MYO1F: variants seen among roughly 807,000 people sequenced by gnomAD.
MYO1F encodes the protein unconventional myosin-If.
In MYO1F, 60 loss-of-function variants were observed where a neutral mutation model predicts 146.6. The ratio of observed to expected loss-of-function variants is 0.41; its 90% CI spans 0.33 to 0.51. MYO1F has a LOEUF of 0.51. Ranked by LOEUF, MYO1F falls within the 20% of genes least tolerant of loss-of-function variation. MYO1F has a pLI of 0.25. For synonymous variants in MYO1F, 602 were observed against 602.1 expected, an observed-to-expected ratio of 1.00 and a Z score of 0.00; for missense variants, 1,274 against 1,534.3, an observed-to-expected ratio of 0.83 and a Z score of 2.83.
chr19:8,523,071 G>A (rs1294857982), intron 25 of MYO1F, among the ~76,000 whole-genome samples: 5 of 150,188 alleles, frequency 3.3e-5, no homozygotes, highest in Admixed American at 1.3e-4. Flanking sequence ...TTGCTCAGTC[G>A]CTCAGGCTGG....
rs1972293258 is a variant in MYO1F at position 8,526,856 on chromosome 19, C to G, written c.2554G>C (p.Val852Leu). The G allele has an allele frequency of 6.2e-7, 1 of 1,614,022 alleles. No homozygotes were observed. Among genetic ancestry groups the G allele is most frequent in the Non-Finnish European group, 8.5e-7 (1 of 1,180,006 alleles). Residue 852 changes from valine to leucine, a missense_variant, in exon 23 of 28, where the codon GTC becomes CTC. Physicochemically the swap from Val to Leu is conservative, Grantham distance 32 (BLOSUM62 1). Around this residue, in one of 2 missense-constraint regions of MYO1F, gnomAD observed 374 missense variants for 379.2 expected, o/e 0.99. Transcript: ENST00000644032. ...FLESVFKTEF[V>L]SLLCKRFEEA... is the part of the protein sequence containing the mutation. ...TCGAAGCGCTTGCACAGAAGGCTGA[C>G]AAACTCGGTCTTGAAGACGCTCTCC...
Position 8,552,120 on chromosome 19 carries a change from A to ACC in MYO1F, c.548_549insGG (p.Asp183GlufsTer47). 1 of 1,613,984 alleles carries ACC rather than the reference A, an allele frequency of 6.2e-7. No homozygotes were observed. Among genetic ancestry groups the ACC allele is most frequent in the Non-Finnish European group, 8.5e-7 (1 of 1,180,006 alleles). On this transcript the variant is annotated frameshift_variant, in exon 7 of 28. Transcript: ENST00000644032. LOFTEE classifies it high-confidence loss of function. ...GCAAGAAGTTGGAGATCTTGCCCCCATCTGGCTCCCCACCTCGGCTGAACT... is the reference window on the plus strand; with the variant it reads ...GCAAGAAGTTGGAGATCTTGCCCCCACCTCTGGCTCCCCACCTCGGCTGAACT...
chr19:8,526,565 A>G lies in MYO1F; in HGVS notation c.2658T>C (p.Gly886=), dbSNP rs926266762. ...QFRVKKEGWG[G]GGTRSVTFSR... is the part of the protein sequence containing the mutation. ...AGAAGGTGACGCTGCGGGTGCCGCC[A>G]CCGCCCCAGCCCTCCTTCTTCACCC... Residue 886 remains glycine (G), a synonymous_variant, in exon 24 of 28, where the codon GGT becomes GGC. Transcript: ENST00000644032. 6.3e-7 allele frequency: 1 copy of G among 1,597,916 alleles called. No individual in the cohort carries two copies. The highest frequency in any genetic ancestry group is 2.3e-5 in the East Asian group (1 of 44,278).
Position 8,522,560 on chromosome 19 carries a change from G to A in MYO1F, c.3051-14C>T, listed in dbSNP as rs1200141514. The A allele has an allele frequency of 6.2e-7, 1 of 1,610,350 alleles. No homozygotes were observed. On this transcript the variant is annotated splice_polypyrimidine_tract_variant and intron_variant, in intron 26 of 27. Coordinates refer to ENST00000644032, the MANE Select transcript of MYO1F (RefSeq NM_012335.4). ...TTCCTCTGCATGCTGTGGGCACAGG[G>A]GGTTTGAGTCACAGCCCCAGACACT...
chr19:8,543,687 G>A (rs868161850), intron 14 of MYO1F, among the ~76,000 whole-genome samples: 46 of 48,650 alleles, frequency 9.5e-4, no homozygotes, highest in Non-Finnish European at 1.2e-3. Flanking sequence ...GGTGGTGGTG[G>A]TGGTGGTGGT....
rs773197400 is a variant in MYO1F, at chr19:8,522,762, T to C, written c.2922A>G (p.Gly974=). The stretch of plus-strand genomic sequence containing the variant: ...CCCGGGGAGGCCTGTGGGTGCCCCC[T>C]CCAGACATGATCTCCAGGGGCAGGG... ...GGPLPLEIMS[G]GGTHRPPRGP... The change falls in exon 26 of 28, where the codon GGA becomes GGG. Residue 974 remains glycine (G), a synonymous_variant. Transcript: ENST00000644032. The C allele has an allele frequency of 9.9e-6, 16 of 1,609,798 alleles. No individual in the cohort carries two copies. The highest frequency in any genetic ancestry group is 1.4e-5 in the Non-Finnish European group (16 of 1,178,928).
chr19:8,551,702 C>T (rs770418435), intron 8 of MYO1F, 38 bp downstream of exon 8: 1 of 1,614,056 alleles, frequency 6.2e-7, no homozygotes, highest in Admixed American at 1.7e-5. Flanking sequence ...GGGCTGAGGT[C>T]TGCCTGGCCG....
In MYO1F at chr19:8,548,018, G is replaced by A; in HGVS notation, c.1269+18C>T. On this transcript the variant is annotated intron_variant, in intron 12 of 27. Coordinates refer to ENST00000644032, the MANE Select transcript of MYO1F (RefSeq NM_012335.4). Reference sequence around the variant, plus strand: ...CCCCACCCCAGGATCCCCCATCCCTGACTGCTTGGCCGCCCACCTGCTCGG... The same window carrying A: ...CCCCACCCCAGGATCCCCCATCCCTAACTGCTTGGCCGCCCACCTGCTCGG... 6.9e-6 allele frequency: 8 copies of A among 1,160,632 alleles called. No homozygotes were observed. The highest frequency in any genetic ancestry group is 1.0e-5 in the Non-Finnish European group (8 of 776,360). 71.9% of individuals were successfully genotyped at this position (1,160,632 alleles called of 1,614,324 possible).
Position 8,536,604 on chromosome 19 carries a change from G to T in MYO1F, c.1800-7C>A. ...TTCCACCTGGTGCTTGACTCTGGTG[G>T]GGAGGGTAGGCTGAGTCCCCTCGGG... On this transcript the variant is annotated splice_polypyrimidine_tract_variant and splice_region_variant and intron_variant, in intron 17 of 27. Coordinates refer to ENST00000644032, the MANE Select transcript of MYO1F (RefSeq NM_012335.4). The T allele has an allele frequency of 6.2e-7, 1 of 1,605,990 alleles. No homozygotes were observed. Among genetic ancestry groups the T allele is most frequent in the South Asian group, 1.1e-5 (1 of 90,756 alleles).
chr19:8,559,363 G>A (rs892777307), intron 1 of MYO1F, among the ~76,000 whole-genome samples: 2 of 150,826 alleles, frequency 1.3e-5, no homozygotes, highest in Non-Finnish European at 3.0e-5. Flanking sequence ...GGGTGGAGGT[G>A]CATGATCAGA....
intron 22 of MYO1F, 139 bp from the exon 23 acceptor site, chr19:8,527,074 A>G (rs1033160971): frequency 1.7e-6 from 2 of 1,206,168 alleles, no homozygotes; most frequent in Non-Finnish European, 1.2e-6. Flanking sequence ...TAGGAGAAAA[A>G]GGGGGATGTG....
At chr19:8,527,311 G>A in intron 22 of MYO1F, 27 bp downstream of exon 22, 1 of 1,613,812 alleles carries the variant, frequency 6.2e-7, no homozygotes, top group Non-Finnish European at 8.5e-7. Context: ...GAGAGTGACT[G>A]TGCGGCAGGT....
chr19:8,564,671 G>A (rs1396541222), intron 1 of MYO1F, among the ~76,000 whole-genome samples: 1 of 151,840 alleles, frequency 6.6e-6, no homozygotes, highest in Admixed American at 6.6e-5. Context: ...AGGATTGGGA[G>A]GCTAGGAGGT....
intron 16 of MYO1F, among the ~76,000 whole-genome samples, chr19:8,538,338 A>G (rs1409584260): frequency 6.6e-6 from 1 of 151,396 alleles, no homozygotes; most frequent in Non-Finnish European, 1.5e-5. Flanking sequence ...TCTGTCATCC[A>G]GGCTGGAGTG....
At chr19:8,531,669 G>C (rs1972491140) in intron 19 of MYO1F, among the ~76,000 whole-genome samples, 1 of 152,316 alleles carries the variant, frequency 6.6e-6, no homozygotes, top group East Asian at 1.9e-4. Context: ...GATCACAGCT[G>C]TGCCACTTAC....
chr19:8,558,450 G>A (rs1369152038), intron 1 of MYO1F, among the ~76,000 whole-genome samples: 1 of 152,120 alleles, frequency 6.6e-6, no homozygotes, highest in Non-Finnish European at 1.5e-5. Flanking sequence ...TCAGGCATGA[G>A]ACACCTTGCC....
chr19:8,533,333 A>ATTCTTCTTC (rs552758347), intron 19 of MYO1F, among the ~76,000 whole-genome samples: 2 of 135,732 alleles, frequency 1.5e-5, no homozygotes, highest in African/African-American at 5.7e-5. Flanking sequence ...CCAGCCTCAG[A>ATTCTTCTTC]TTCTTCTTCT....
At position 8,532,903 on chromosome 19, in the gene MYO1F, TACACACACACAC is replaced by T. The variant is rs60799506; in HGVS notation, c.2044-2342_2044-2331del. On this transcript the variant is annotated intron_variant, in intron 19 of 27. Transcript: ENST00000644032. The stretch of plus-strand genomic sequence containing the variant: ...ATCCTGTCTCAGAAAAAAAAAAAAA[TACACACACACAC>T]ACACACACACACACACACACACACA... 1.7e-3 allele frequency among the ~76,000 whole-genome samples: 198 copies of T among 113,170 alleles called. 5 individuals are homozygous for T. The highest frequency in any genetic ancestry group is 5.4e-3 in the African/African-American group (162 of 30,108). The allele number at this position is 113,170 out of a possible 152,430, so 74.2% of individuals were successfully genotyped here. A position where few individuals can be genotyped will look rare whatever the true frequency, so the allele number is the denominator to read the frequency against.
In MYO1F at chr19:8,555,376, C is replaced by CAAAAAA. The variant is rs886749061; in HGVS notation, c.141+277_141+282dup. On this transcript the variant is annotated intron_variant, in intron 2 of 27. Coordinates refer to ENST00000644032, the MANE Select transcript of MYO1F (RefSeq NM_012335.4). ...TGGGCGACAGAGCAAGACTCCGTCT[C>CAAAAAA]AAAAAAAAAAAAAAAAAAAAAAAAA... The CAAAAAA allele has an allele frequency of 1.3e-3, 130 of 100,286 alleles. 2 individuals carry two copies. Among genetic ancestry groups the CAAAAAA allele is most frequent in the Non-Finnish European group, 1.7e-3 (90 of 52,488 alleles). The allele number at this position is 100,286 out of a possible 1,614,324, so 6.2% of individuals were successfully genotyped here.
Sources: gnomAD v4.1 joint callset for allele counts (sites outside exome capture counted in the v4.1 genomes callset) on GRCh38, gnomAD v4.1.1 for gene constraint, gnomAD v4.1.1 regional missense constraint, MANE v1.5 for transcripts, NCBI Gene and HGNC (gene_info 2026-07-23, HGNC 2026-07-21) for gene names.